The following TBC1D32 variants were observed in gnomAD, a reference collection of about 807,000 sequenced individuals.
TBC1D32 encodes the protein protein broad-minded.
In TBC1D32, 151 loss-of-function variants were observed where a neutral mutation model predicts 170.3. The observed-to-expected ratio is 0.89, with a 90% CI of 0.78 to 1.01. TBC1D32 has a LOEUF of 1.01. Ranked by LOEUF, TBC1D32 falls within the 50% of genes least tolerant of loss-of-function variation. The pLI is 0.00. For missense variants in TBC1D32, 1,464 were observed against 1,457.1 expected, an observed-to-expected ratio of 1.00 and a Z score of -0.08; for synonymous variants, 498 against 488.0, an observed-to-expected ratio of 1.02 and a Z score of -0.27.
intron 15 of TBC1D32, among the ~76,000 whole-genome samples, chr6:121,278,603 C>T (rs942587927): frequency 6.6e-6 from 1 of 152,060 alleles, no homozygotes; most frequent in Non-Finnish European, 1.5e-5. Flanking sequence ...GTAATGCAGA[C>T]ATTAAAAATC....
intron 26 of TBC1D32, among the ~76,000 whole-genome samples, chr6:121,120,524 T>G (rs1780149312): frequency 6.6e-6 from 1 of 152,036 alleles, no homozygotes; most frequent in Admixed American, 6.6e-5. Context: ...CTATCACACT[T>G]CTTACTCATT....
At chr6:121,102,414 C>G (rs149792638) in intron 30 of TBC1D32, among the ~76,000 whole-genome samples, 3,756 of 151,972 alleles carry the variant, frequency 0.025, 167 homozygotes, top group East Asian at 0.13. Context: ...GAACAGAACA[C>G]AGCCCTCAGA....
chr6:121,240,724 C>T (rs1355660168), intron 19 of TBC1D32, among the ~76,000 whole-genome samples: 2 of 151,628 alleles, frequency 1.3e-5, no homozygotes, highest in East Asian at 3.9e-4. Context: ...CCCATCTCTA[C>T]CAAAGATACA....
chr6:121,084,988 GA>G (rs1776034114), intron 31 of TBC1D32, among the ~76,000 whole-genome samples: 2 of 151,698 alleles, frequency 1.3e-5, no homozygotes, highest in South Asian at 4.1e-4. Context: ...GGTTAAACTG[GA>G]AGAGTTGACT....
At position 121,130,605 on chromosome 6, in the gene TBC1D32, G is replaced by A. The variant is rs74482774; in HGVS notation, c.2899+1022C>T. On this transcript the variant is annotated intron_variant, in intron 25 of 31. Transcript: ENST00000398212. ...TCTACATGTTTGTCCTGTTTCAGAG[G>A]AATGAGTAAGAGTTAAACAGCTGAT... Among the ~76,000 whole-genome samples, 1,512 of 152,236 alleles carry A rather than the reference G, an allele frequency of 9.9e-3. 21 individuals are homozygous for A. Among genetic ancestry groups the A allele is most frequent in the African/African-American group, 0.034 (1,421 of 41,536 alleles).
chr6:121,239,283 C>T (rs531153329), intron 19 of TBC1D32, 95 bp from the exon 20 acceptor site: 13 of 642,950 alleles, frequency 2.0e-5, no homozygotes, highest in East Asian at 1.0e-4. Flanking sequence ...ATCTGGTCTA[C>T]TCTGACAGAA....
intron 22 of TBC1D32, among the ~76,000 whole-genome samples, chr6:121,183,859 T>G (rs1159523983): frequency 6.6e-6 from 1 of 152,006 alleles, no homozygotes; most frequent in Non-Finnish European, 1.5e-5. Context: ...CCCATATGAT[T>G]TTATGGCTGC....
chr6:121,188,625 C>A (rs561117412), intron 22 of TBC1D32, among the ~76,000 whole-genome samples: 2 of 152,106 alleles, frequency 1.3e-5, no homozygotes, highest in African/African-American at 4.8e-5. Context: ...AATCCTCCCC[C>A]CAACAAAAAC....
In TBC1D32 at chr6:121,297,144, C is replaced by T. The variant is rs1805775208; in HGVS notation, c.1140+2302G>A. Among the ~76,000 whole-genome samples, 2 of 152,014 alleles carry T rather than the reference C, an allele frequency of 1.3e-5. 1 individual carries two copies. The highest frequency in any genetic ancestry group is 4.1e-4 in the South Asian group (2 of 4,830). On this transcript the variant is annotated intron_variant, in intron 10 of 31. Transcript: ENST00000398212. ...CATGAACAATCACATTACATGACAT[C>T]CCTTTAAACCACAGTAGCAGAAAGC...
chr6:121,112,239 A>T (rs9387920), intron 29 of TBC1D32: 148,351 of 217,282 alleles, frequency 0.68, 57,590 homozygotes, highest in Non-Finnish European at 0.84. Flanking sequence ...AACTGATATA[A>T]CTATCATTTT....
rs1324793232 is a variant in TBC1D32, at chr6:121,283,821, A to G, written c.1462T>C (p.Ser488Pro). Residue 488 changes from serine to proline, a missense_variant, in exon 13 of 32, where the codon TCA (serine) becomes CCA (proline). Ser to Pro is a moderately conservative substitution (Grantham distance 74, BLOSUM62 -1). Coordinates refer to ENST00000398212, the MANE Select transcript of TBC1D32 (RefSeq NM_152730.6). Reference sequence around the variant, plus strand: ...TTTAAAATAGAAACAGAATTACCTGAATGGGCAGCTGATGTCATCTTTGGA... The same window carrying G: ...TTTAAAATAGAAACAGAATTACCTGGATGGGCAGCTGATGTCATCTTTGGA... ...SCPKMTSAAH[S>P]ENYSPASMVT... is the part of the protein sequence containing the mutation. 3.1e-6 allele frequency: 5 copies of G among 1,597,974 alleles called. No homozygotes were observed. The Admixed American group carries it at 8.4e-5, about 27-fold the overall frequency.
Position 121,131,747 on chromosome 6 carries a change from C to A in TBC1D32, c.2779G>T (p.Asp927Tyr). 1.3e-6 allele frequency: 2 copies of A among 1,587,756 alleles called. No homozygotes were observed. The highest frequency in any genetic ancestry group is 1.1e-5 in the South Asian group (1 of 90,054). ...AGGCATAATAAAAGCTTGTCAAGAT[C>A]ATTGTCTAATCAGAAAGATAACATA... is the stretch of plus-strand genomic sequence containing the variant. ...TRNAGIKQDN[D>Y]LDKLLLCLKI... is the part of the protein sequence containing the mutation. Residue 927 changes from aspartate (D) to tyrosine (Y), a missense_variant, in exon 25 of 32, where the codon GAT becomes TAT. Around this residue, in one of 3 missense-constraint regions of TBC1D32, gnomAD observed 1,363 missense variants for 1,338.1 expected, o/e 1.02. Transcript: ENST00000398212.
chr6:121,196,509 T>C (rs928325957), intron 22 of TBC1D32, among the ~76,000 whole-genome samples: 1 of 152,224 alleles, frequency 6.6e-6, no homozygotes, highest in African/African-American at 2.4e-5. Flanking sequence ...TTGCCTATCC[T>C]GCACACAATG....
chr6:121,135,010 G>A (rs927277183), intron 24 of TBC1D32, among the ~76,000 whole-genome samples: 1 of 152,004 alleles, frequency 6.6e-6, no homozygotes, highest in African/African-American at 2.4e-5. Context: ...TCTAAAGACT[G>A]GCTAAATTAA....
intron 3 of TBC1D32, among the ~76,000 whole-genome samples, chr6:121,316,226 CT>C (rs1199521858): frequency 6.6e-6 from 1 of 152,168 alleles, no homozygotes; most frequent in East Asian, 1.9e-4. Context: ...GAAATCAGTT[CT>C]ATTTAGATCT....
At chr6:121,152,624 C>T (rs984423247) in intron 24 of TBC1D32, among the ~76,000 whole-genome samples, 48 of 152,158 alleles carry the variant, frequency 3.2e-4, no homozygotes, top group African/African-American at 1.1e-3. Context: ...CTCCCCATCA[C>T]TTTCAGGTAC....
intron 3 of TBC1D32, among the ~76,000 whole-genome samples, chr6:121,314,849 G>A (rs926061444): frequency 6.6e-6 from 1 of 152,110 alleles, no homozygotes; most frequent in Non-Finnish European, 1.5e-5. Flanking sequence ...TCTCTGAATG[G>A]TGTCCATTTC....
At chr6:121,307,577 C>T (rs1807518597) in intron 5 of TBC1D32, among the ~76,000 whole-genome samples, 1 of 152,008 alleles carries the variant, frequency 6.6e-6, no homozygotes, top group Non-Finnish European at 1.5e-5. Flanking sequence ...AGAAAACTAT[C>T]GGCCAGACAC....
At chr6:121,190,809 T>A (rs188230437) in intron 22 of TBC1D32, among the ~76,000 whole-genome samples, 2 of 152,322 alleles carry the variant, frequency 1.3e-5, no homozygotes, top group Admixed American at 1.3e-4. Flanking sequence ...CTATGAAGTT[T>A]AGTGTTAGCT....
Sources: allele counts gnomAD v4.1 joint callset (sites outside exome capture counted in the v4.1 genomes callset), GRCh38; gene constraint gnomAD v4.1.1; regional missense constraint gnomAD v4.1.1; transcripts MANE v1.5; gene names NCBI Gene and HGNC (gene_info 2026-07-23, HGNC 2026-07-21).